RUNX3: variants seen among roughly 807,000 people sequenced by gnomAD.
RUNX3 encodes the protein runt-related transcription factor 3.
Under a neutral mutation model 27.7 loss-of-function variants are expected in RUNX3, and 10 were observed. That is an observed-to-expected ratio of 0.36 (90% CI 0.22 to 0.61). The LOEUF is 0.61. RUNX3 is among the 20% of genes least tolerant of loss of function. The pLI, the probability that RUNX3 is intolerant of heterozygous loss-of-function variation, is 0.72. For synonymous variants in RUNX3, 270 were observed against 269.2 expected, an observed-to-expected ratio of 1.00 and a Z score of -0.03; for missense variants, 469 against 629.5, an observed-to-expected ratio of 0.75 and a Z score of 2.73.
intron 2 of RUNX3, among the ~76,000 whole-genome samples, chr1:24,956,071 G>A (rs867447734): frequency 1.3e-5 from 2 of 152,350 alleles, no homozygotes; most frequent in Non-Finnish European, 1.5e-5. Flanking sequence ...TGCGCAGCCC[G>A]GGGCAGACCC....
intron 3 of RUNX3, among the ~76,000 whole-genome samples, chr1:24,910,629 C>G (rs1640778881): frequency 6.6e-6 from 1 of 152,182 alleles, no homozygotes; most frequent in African/African-American, 2.4e-5. Context: ...GTTGGAAGCT[C>G]AAACAGGTAT....
At chr1:24,912,096 A>C (rs1026565790) in intron 3 of RUNX3, among the ~76,000 whole-genome samples, 2 of 152,204 alleles carry the variant, frequency 1.3e-5, no homozygotes, top group African/African-American at 4.8e-5. Flanking sequence ...TGAGGAAAGA[A>C]GATGGTCTTC....
intron 2 of RUNX3, among the ~76,000 whole-genome samples, chr1:24,935,384 C>T (rs1429902334): frequency 6.6e-6 from 1 of 152,202 alleles, no homozygotes; most frequent in African/African-American, 2.4e-5. Context: ...CCTCCCCACC[C>T]ACCTCCTCTC....
intron 2 of RUNX3, chr1:24,961,312 G>A (rs1339680343): frequency 1.3e-5 from 2 of 152,214 alleles, no homozygotes; most frequent in African/African-American, 4.8e-5. Flanking sequence ...TGGATGGGAT[G>A]CTTCATTCTC....
chr1:24,932,408 G>A (rs1641252850), upstream of RUNX3, among the ~76,000 whole-genome samples: 1 of 151,858 alleles, frequency 6.6e-6, no homozygotes, highest in South Asian at 2.1e-4. Context: ...GGCGGGAGCC[G>A]CCGCTAGTTG....
At chr1:24,948,622 T>G in intron 2 of RUNX3, among the ~76,000 whole-genome samples, 1 of 119,090 alleles carries the variant, frequency 8.4e-6, no homozygotes, top group Non-Finnish European at 1.7e-5. Context: ...ACATGCAGGA[T>G]GGGTGCATGT....
chr1:24,901,017 G>GTTTTGTTTT lies in RUNX3; in HGVS notation c.*1104_*1105insAAAACAAAA, dbSNP rs1640531510. On this transcript the variant is annotated 3_prime_UTR_variant, in exon 5 of 5. Transcript: ENST00000308873. ...TAAAATCAGTTTTAAAAACTGTTTTGTTTTTTTTTTGTTTTTTTGTTTTTT... is the reference window on the plus strand; with the variant it reads ...TAAAATCAGTTTTAAAAACTGTTTTGTTTTGTTTTTTTTTTTTTTGTTTTTTTGTTTTTT... The GTTTTGTTTT allele has an allele frequency of 2.4e-5, 3 of 124,910 alleles. No individual in the cohort carries two copies. The highest frequency in any genetic ancestry group is 9.1e-5 in the African/African-American group (3 of 32,794). 7.7% of individuals were successfully genotyped at this position (124,910 alleles called of 1,614,324 possible).
At chr1:24,948,627 G>A (rs1571350159) in intron 2 of RUNX3, among the ~76,000 whole-genome samples, 1 of 150,040 alleles carries the variant, frequency 6.7e-6, no homozygotes, top group East Asian at 2.0e-4. Flanking sequence ...CAGGATGGGT[G>A]CATGTCGGGG....
At position 24,962,104 on chromosome 1, in the gene RUNX3, C is replaced by T. The variant is rs1305401659; in HGVS notation, c.58+2410G>A. 6.6e-6 allele frequency: 1 copy of T among 152,136 alleles called. No individual in the cohort carries two copies. 9.4% of individuals were successfully genotyped at this position (152,136 alleles called of 1,614,324 possible). A position where few individuals can be genotyped will look rare whatever the true frequency, so the allele number is the denominator to read the frequency against. On this transcript the variant is annotated intron_variant, in intron 2 of 6. Coordinates refer to the RUNX3 transcript ENST00000338888. The surrounding 1 kb of genome is among the most constrained non-coding windows in gnomAD (Gnocchi z 4.5). ...TCCACCAGTGGAAATCACAGGTGTTCTCTGGTATCACAGCGGGGTCAGGGA... is the reference window on the plus strand; with the variant it reads ...TCCACCAGTGGAAATCACAGGTGTTTTCTGGTATCACAGCGGGGTCAGGGA...
At chr1:24,930,441 C>A (rs1347906379), upstream of RUNX3, among the ~76,000 whole-genome samples, 1 of 151,988 alleles carries the variant, frequency 6.6e-6, no homozygotes, top group East Asian at 1.9e-4. This position sits in a 1 kb window ranked among gnomAD's most constrained non-coding sequence, Gnocchi z 4.1. Context: ...CGGGGAGGGG[C>A]GGAAGGCGCC....
chr1:24,923,296 G>T lies in RUNX3; in HGVS notation c.440-3952C>A, dbSNP rs1269884415. On this transcript the variant is annotated intron_variant, in intron 2 of 4. Transcript: ENST00000308873. This position sits in a 1 kb window ranked among gnomAD's most constrained non-coding sequence, Gnocchi z 5.9. ...GGAGTCCTGGACCTCGGGAGACAGG[G>T]AGCCTGGGGAGCAGGGGTGGGAGAA... 6.6e-6 allele frequency among the ~76,000 whole-genome samples: 1 copy of T among 152,084 alleles called. No homozygotes were observed. Among genetic ancestry groups the T allele is most frequent in the Admixed American group, 6.5e-5 (1 of 15,268 alleles).
At chr1:24,926,877 G>A (rs1641109460) in intron 2 of RUNX3, among the ~76,000 whole-genome samples, 1 of 152,206 alleles carries the variant, frequency 6.6e-6, no homozygotes, top group Admixed American at 6.5e-5. Context: ...CCATCCAGGA[G>A]TTAAGTGATG....
intron 3 of RUNX3, among the ~76,000 whole-genome samples, chr1:24,910,457 A>G (rs1640775698): frequency 6.6e-6 from 1 of 152,118 alleles, no homozygotes; most frequent in Admixed American, 6.5e-5. Context: ...GGGCCTGAAC[A>G]AGTGATTGCT....
intron 2 of RUNX3, among the ~76,000 whole-genome samples, chr1:24,948,067 ACT>A (rs1489291562): frequency 6.6e-6 from 1 of 151,936 alleles, no homozygotes; most frequent in Non-Finnish European, 1.5e-5. Flanking sequence ...TGGGGCCCTG[ACT>A]CTGTCACATC....
chr1:24,912,584 C>T (rs747803674), intron 3 of RUNX3, among the ~76,000 whole-genome samples: 3 of 152,026 alleles, frequency 2.0e-5, no homozygotes, highest in Non-Finnish European at 4.4e-5. Flanking sequence ...ATCATCAAAA[C>T]GGCAGCAGAT....
intron 3 of RUNX3, among the ~76,000 whole-genome samples, chr1:24,915,235 C>T (rs1640866707): frequency 6.6e-6 from 1 of 152,154 alleles, no homozygotes; most frequent in South Asian, 2.1e-4. Flanking sequence ...ACTAGCCTGG[C>T]CAACATGGTG....
intron 3 of RUNX3, among the ~76,000 whole-genome samples, chr1:24,912,099 T>C (rs368149254): frequency 6.6e-6 from 1 of 152,214 alleles, no homozygotes; most frequent in Non-Finnish European, 1.5e-5. Flanking sequence ...GGAAAGAAGA[T>C]GGTCTTCAGA....
intron 2 of RUNX3, among the ~76,000 whole-genome samples, chr1:24,920,356 T>C (rs769386276): frequency 6.6e-6 from 1 of 152,174 alleles, no homozygotes; most frequent in Non-Finnish European, 1.5e-5. Flanking sequence ...TTGGGACATA[T>C]TACGGGCGCG....
intron 3 of RUNX3, among the ~76,000 whole-genome samples, chr1:24,915,986 G>A (rs188234403): frequency 2.8e-4 from 42 of 152,302 alleles, no homozygotes; most frequent in African/African-American, 1.0e-3. Context: ...AAGCCACCAA[G>A]CCAGCCTTCA....
Sources: gnomAD v4.1 joint callset for allele counts (sites outside exome capture counted in the v4.1 genomes callset) on GRCh38, gnomAD v4.1.1 for gene constraint, Gnocchi (gnomAD v3.1) non-coding constraint, MANE v1.5 for transcripts, NCBI Gene and HGNC (gene_info 2026-07-23, HGNC 2026-07-21) for gene names.